Variants in PARN observed in about 807,000 individuals in gnomAD.
The protein encoded by PARN is poly(A)-specific ribonuclease PARN.
A neutral mutation model predicts 102.8 loss-of-function variants in PARN; 71 were observed. The ratio of observed to expected loss-of-function variants is 0.69; its 90% CI spans 0.57 to 0.84. The LOEUF (loss-of-function observed/expected upper bound fraction) is 0.84, where lower values mean the gene tolerates loss of function less well. Among genes scored for constraint, PARN ranks in the 40% least tolerant of loss-of-function variants. The pLI, the probability that PARN is intolerant of heterozygous loss-of-function variation, is 0.00. For missense variants in PARN, 782 were observed against 760.9 expected, an observed-to-expected ratio of 1.03 and a Z score of -0.33; for synonymous variants, 261 against 252.9, an observed-to-expected ratio of 1.03 and a Z score of -0.30.
chr16:14,483,677 C>G (rs1268331444), intron 21 of PARN, among the ~76,000 whole-genome samples: 1 of 151,832 alleles, frequency 6.6e-6, no homozygotes, highest in African/African-American at 2.4e-5. Context: ...TAGACAGACT[C>G]CCACCCCTCC....
At chr16:14,503,419 C>A (rs1272833659) in intron 21 of PARN, among the ~76,000 whole-genome samples, 1 of 151,344 alleles carries the variant, frequency 6.6e-6, no homozygotes, top group African/African-American at 2.5e-5. Context: ...GATAGAAACG[C>A]ACGTATCATG....
chr16:14,573,987 T>C (rs943741482), intron 18 of PARN, among the ~76,000 whole-genome samples: 2 of 152,162 alleles, frequency 1.3e-5, no homozygotes, highest in African/African-American at 2.4e-5. Flanking sequence ...TATCAAAAAA[T>C]GTGAAAGTGA....
chr16:14,463,154 C>T (rs972172692), intron 22 of PARN, among the ~76,000 whole-genome samples: 4 of 152,206 alleles, frequency 2.6e-5, no homozygotes, highest in Non-Finnish European at 4.4e-5. Flanking sequence ...ACACATACAT[C>T]ACAGCACTGG....
intron 22 of PARN, among the ~76,000 whole-genome samples, chr16:14,453,640 C>T (rs1212793591): frequency 6.6e-6 from 1 of 152,182 alleles, no homozygotes; most frequent in South Asian, 2.1e-4. Context: ...TGCTTATAGT[C>T]CTATTTATAT....
intron 5 of PARN, among the ~76,000 whole-genome samples, chr16:14,626,012 G>C (rs1972631387): frequency 6.6e-6 from 1 of 152,148 alleles, no homozygotes; most frequent in African/African-American, 2.4e-5. Context: ...TGTCTACCAG[G>C]TCAGCTACAA....
chr16:14,491,827 A>G (rs1964072741), intron 21 of PARN, among the ~76,000 whole-genome samples: 1 of 152,242 alleles, frequency 6.6e-6, no homozygotes, highest in Non-Finnish European at 1.5e-5. Flanking sequence ...AATAAAAAAC[A>G]GCTTTTATGT....
chr16:14,630,159 G>C lies in PARN; in HGVS notation c.-34C>G. On this transcript the variant is annotated 5_prime_UTR_variant, in exon 1 of 24. Transcript: ENST00000437198. ...GTGGCCGGAACCTTGGCCCCACCCG[G>C]GCCCGCGCCCGCCTCAGCGGTTCTA... 1 of 1,548,088 alleles carries C rather than the reference G, an allele frequency of 6.5e-7. No individual in the cohort carries two copies. Among genetic ancestry groups the C allele is most frequent in the South Asian group, 1.2e-5 (1 of 83,936 alleles).
At chr16:14,528,842 T>C (rs1024562883) in intron 21 of PARN, among the ~76,000 whole-genome samples, 4 of 152,216 alleles carry the variant, frequency 2.6e-5, no homozygotes, top group Admixed American at 6.5e-5. Context: ...TTTCAACTAG[T>C]TGAGTATTCA....
At chr16:14,532,717 C>T (rs1482329877) in intron 21 of PARN, among the ~76,000 whole-genome samples, 1 of 151,696 alleles carries the variant, frequency 6.6e-6, no homozygotes, top group Non-Finnish European at 1.5e-5. Flanking sequence ...CGGGCAGAGG[C>T]GCCCCTCACC....
intron 18 of PARN, among the ~76,000 whole-genome samples, chr16:14,562,503 C>T (rs1164051685): frequency 3.3e-5 from 5 of 151,266 alleles, no homozygotes; most frequent in Admixed American, 1.3e-4. Context: ...CAAGGACTAC[C>T]TCAAAATCCA....
At chr16:14,525,892 C>T (rs1043386010) in intron 21 of PARN, among the ~76,000 whole-genome samples, 7 of 152,188 alleles carry the variant, frequency 4.6e-5, no homozygotes, top group Admixed American at 6.5e-5. Flanking sequence ...GATCCTGGCT[C>T]ACTGCAACCT....
intron 21 of PARN, among the ~76,000 whole-genome samples, chr16:14,495,786 A>G (rs138887967): frequency 2.0e-4 from 30 of 152,336 alleles, no homozygotes; most frequent in Admixed American, 9.8e-4. Flanking sequence ...AGGGACTTGG[A>G]GCACATGGTG....
chr16:14,630,098 G>T lies in PARN; in HGVS notation c.19+9C>A. 6.4e-7 allele frequency: 1 copy of T among 1,559,048 alleles called. No homozygotes were observed. Among genetic ancestry groups the T allele is most frequent in the Non-Finnish European group, 8.7e-7 (1 of 1,150,360 alleles). ...TGGGGAGGCGGGGAGGTGTACGGCGGACACGCACTGCTCCTGATTATCTCC... is the reference window on the plus strand; with the variant it reads ...TGGGGAGGCGGGGAGGTGTACGGCGTACACGCACTGCTCCTGATTATCTCC... On this transcript the variant is annotated intron_variant, in intron 1 of 23. Coordinates refer to ENST00000437198, the MANE Select transcript of PARN (RefSeq NM_002582.4).
intron 9 of PARN, 92 bp from the exon 10 acceptor site, chr16:14,606,618 G>T (rs1450578091): frequency 9.6e-6 from 6 of 624,142 alleles, no homozygotes; most frequent in Non-Finnish European, 1.7e-5. Context: ...TACTAATTAA[G>T]TAAGTTTTAT....
chr16:14,466,401 T>C (rs945985866), intron 22 of PARN, among the ~76,000 whole-genome samples: 1 of 152,218 alleles, frequency 6.6e-6, no homozygotes, highest in Non-Finnish European at 1.5e-5. Flanking sequence ...ACTACTGCGA[T>C]GTTAAGTCAT....
chr16:14,476,199 AAG>A (rs1339526189), intron 22 of PARN, among the ~76,000 whole-genome samples: 2 of 152,210 alleles, frequency 1.3e-5, no homozygotes, highest in Non-Finnish European at 2.9e-5. Flanking sequence ...AAAAAGGAAA[AAG>A]AAGTCAAATT....
chr16:14,516,266 T>C (rs149131283), intron 21 of PARN, among the ~76,000 whole-genome samples: 2 of 151,834 alleles, frequency 1.3e-5, no homozygotes, highest in African/African-American at 4.8e-5. Context: ...TCCAAATAGC[T>C]ATAATAGAAG....
chr16:14,584,572 T>C, intron 15 of PARN, 150 bp from the exon 16 acceptor site: 2 of 791,988 alleles, frequency 2.5e-6, no homozygotes, highest in East Asian at 2.7e-5. Flanking sequence ...TTTTTTTCAA[T>C]GTGAAAGAGA....
At position 14,617,147 on chromosome 16, in the gene PARN, G is replaced by C. The variant is rs373497522; in HGVS notation, c.388+443C>G. On this transcript the variant is annotated intron_variant, in intron 6 of 23. Transcript: ENST00000437198. Reference sequence around the variant, plus strand: ...CACTTGTAATCCCAGCATTTTTGGAGGCCAAGGTGGGCAGATCACGAGGTC... The same window carrying C: ...CACTTGTAATCCCAGCATTTTTGGACGCCAAGGTGGGCAGATCACGAGGTC... 1.2e-4 allele frequency among the ~76,000 whole-genome samples: 18 copies of C among 151,570 alleles called. No individual in the cohort carries two copies. In the East Asian group the frequency reaches 3.1e-3, roughly 26 times the overall value.
Sources: allele counts gnomAD v4.1 joint callset (sites outside exome capture counted in the v4.1 genomes callset), GRCh38; gene constraint gnomAD v4.1.1; transcripts MANE v1.5; gene names NCBI Gene and HGNC (gene_info 2026-07-23, HGNC 2026-07-21).